AKAP6: variants seen among roughly 807,000 people sequenced by gnomAD.
AKAP6 encodes A-kinase anchor protein 6.
A neutral mutation model predicts 188.5 loss-of-function variants in AKAP6; 58 were observed. That is an observed-to-expected ratio of 0.31 (90% CI 0.25 to 0.38). The LOEUF is 0.38. Ranked by LOEUF, AKAP6 falls within the 10% of genes least tolerant of loss-of-function variation. The pLI is 1.00. For synonymous variants in AKAP6, 989 were observed against 998.6 expected (o/e 0.99, Z 0.18); for missense variants, 2,710 against 2,740.0 (o/e 0.99, Z 0.24).
rs1162974012 is a variant in AKAP6, at chr14:32,786,298, C to CTTTTTTTTT, written c.3588+12424_3588+12432dup. Among the ~76,000 whole-genome samples the CTTTTTTTTT allele has an allele frequency of 3.0e-4, 25 of 82,554 alleles. 1 individual carries two copies. Among genetic ancestry groups the CTTTTTTTTT allele is most frequent in the Non-Finnish European group, 4.1e-4 (19 of 46,666 alleles). 54.2% of individuals were successfully genotyped at this position (82,554 alleles called of 152,430 possible). ...CCCTCTGAAAGACCTAAACCTTTAT[C>CTTTTTTTTT]TTTTTTTTTTTTTTTTTTTTTTTTT... On this transcript the variant is annotated intron_variant, in intron 12 of 13. Transcript: ENST00000280979.
intron 7 of AKAP6, among the ~76,000 whole-genome samples, chr14:32,628,809 C>T (rs1472291721): frequency 1.3e-5 from 2 of 151,890 alleles, no homozygotes; most frequent in African/African-American, 2.4e-5. Context: ...AAATTAAACA[C>T]ATCTGTGTGT....
intron 12 of AKAP6, among the ~76,000 whole-genome samples, chr14:32,798,963 GC>G (rs2033857271): frequency 6.6e-6 from 1 of 152,158 alleles, no homozygotes; most frequent in African/African-American, 2.4e-5. Context: ...AACAGCTGCT[GC>G]CACATAGTCA....
chr14:32,747,262 G>T (rs2031950095), intron 11 of AKAP6, among the ~76,000 whole-genome samples: 1 of 152,174 alleles, frequency 6.6e-6, no homozygotes, highest in Admixed American at 6.5e-5. Context: ...TAGCAGTTTT[G>T]ATGTATAAGA....
intron 1 of AKAP6, among the ~76,000 whole-genome samples, chr14:32,428,718 A>G (rs1231358005): frequency 6.6e-6 from 1 of 152,168 alleles, no homozygotes; most frequent in Non-Finnish European, 1.5e-5. Context: ...TCTGATTTAA[A>G]TGTGTTTGTT....
intron 2 of AKAP6, among the ~76,000 whole-genome samples, chr14:32,503,172 T>TA (rs1286126143): frequency 6.6e-6 from 1 of 152,150 alleles, no homozygotes; most frequent in East Asian, 1.9e-4. Flanking sequence ...ATATTTCTTT[T>TA]ACTGTGAGAA....
At position 32,836,938 on chromosome 14, in the gene AKAP6, T is replaced by C. The variant is rs1159406510; in HGVS notation, c.*7133T>C. The C allele has an allele frequency of 6.6e-6, 1 of 152,168 alleles. No individual in the cohort carries two copies. The highest frequency in any genetic ancestry group is 6.5e-5 in the Admixed American group (1 of 15,272). 9.4% of individuals were successfully genotyped at this position (152,168 alleles called of 1,614,324 possible). The stretch of plus-strand genomic sequence containing the variant: ...AATGGAACAGAACTTGGCCTCAAAG[T>C]GATGTTGGAAAAATAGCCAGTCCTG... On this transcript the variant is annotated 3_prime_UTR_variant, in exon 14 of 14. Transcript: ENST00000280979.
chr14:32,637,890 C>G (rs979944635), intron 7 of AKAP6, among the ~76,000 whole-genome samples: 2 of 152,052 alleles, frequency 1.3e-5, no homozygotes, highest in African/African-American at 4.8e-5. Context: ...ATCAATATCA[C>G]TTACACTGGA....
intron 2 of AKAP6, among the ~76,000 whole-genome samples, chr14:32,436,347 A>G (rs1269324222): frequency 1.3e-5 from 2 of 152,150 alleles, no homozygotes; most frequent in Admixed American, 1.3e-4. Flanking sequence ...GGGCATCTCA[A>G]GCCCATCAAA....
intron 1 of AKAP6, among the ~76,000 whole-genome samples, chr14:32,391,792 CTA>C (rs1192959623): frequency 6.6e-6 from 1 of 152,182 alleles, no homozygotes; most frequent in Non-Finnish European, 1.5e-5. Flanking sequence ...GCAGAAGCCA[CTA>C]TGTTTCTTGT....
intron 7 of AKAP6, among the ~76,000 whole-genome samples, chr14:32,676,284 A>AT (rs200332714): frequency 0.012 from 1,802 of 151,964 alleles, 24 homozygotes; most frequent in Admixed American, 0.032. Flanking sequence ...CTTTTAAAAG[A>AT]TTTTTTCTGT....
intron 7 of AKAP6, among the ~76,000 whole-genome samples, chr14:32,612,635 C>T (rs902677224): frequency 1.3e-5 from 2 of 152,034 alleles, no homozygotes; most frequent in Non-Finnish European, 2.9e-5. Flanking sequence ...GCATTTGTAC[C>T]TTAAATATGT....
intron 12 of AKAP6, among the ~76,000 whole-genome samples, chr14:32,782,301 T>C (rs2033277895): frequency 6.7e-6 from 1 of 149,266 alleles, no homozygotes; most frequent in Non-Finnish European, 1.5e-5. Context: ...GTTAACATCA[T>C]ACTCAATAGG....
At chr14:32,713,691 C>G (rs1455931868) in intron 9 of AKAP6, among the ~76,000 whole-genome samples, 2 of 152,082 alleles carry the variant, frequency 1.3e-5, no homozygotes, top group Non-Finnish European at 2.9e-5. Flanking sequence ...AGCTTCCTCA[C>G]CTCTCTTAGC....
chr14:32,800,737 A>G (rs1301680607), intron 12 of AKAP6, among the ~76,000 whole-genome samples: 1 of 152,014 alleles, frequency 6.6e-6, no homozygotes, highest in Non-Finnish European at 1.5e-5. Flanking sequence ...TTTGTGGGCC[A>G]GTTGCTGTGG....
chr14:32,393,007 A>G (rs1888761365), intron 1 of AKAP6, among the ~76,000 whole-genome samples: 1 of 152,100 alleles, frequency 6.6e-6, no homozygotes, highest in Admixed American at 6.6e-5. Flanking sequence ...CCAACCATTT[A>G]TTAAATACTA....
intron 7 of AKAP6, among the ~76,000 whole-genome samples, chr14:32,645,208 T>G (rs894756646): frequency 6.6e-6 from 1 of 152,184 alleles, no homozygotes; most frequent in East Asian, 1.9e-4. Flanking sequence ...ACCCAATAAT[T>G]TTTTGTATAT....
intron 4 of AKAP6, among the ~76,000 whole-genome samples, chr14:32,565,482 G>A (rs185338744): frequency 2.0e-5 from 3 of 152,256 alleles, no homozygotes; most frequent in Admixed American, 2.0e-4. Context: ...TAACCTAGCA[G>A]GTTCTGCCCA....
At chr14:32,409,051 T>C (rs961844979) in intron 1 of AKAP6, among the ~76,000 whole-genome samples, 1 of 152,030 alleles carries the variant, frequency 6.6e-6, no homozygotes, top group Non-Finnish European at 1.5e-5. Context: ...AATACAAAAA[T>C]TAGCCAGGCA....
At chr14:32,463,249 C>T (rs1486634672) in intron 2 of AKAP6, among the ~76,000 whole-genome samples, 1 of 152,066 alleles carries the variant, frequency 6.6e-6, no homozygotes, top group Non-Finnish European at 1.5e-5. Context: ...ACTAAGCAGA[C>T]CTAACAGACA....
Sources: gnomAD v4.1 joint callset for allele counts (sites outside exome capture counted in the v4.1 genomes callset) on GRCh38, gnomAD v4.1.1 for gene constraint, MANE v1.5 for transcripts, NCBI Gene and HGNC (gene_info 2026-07-23, HGNC 2026-07-21) for gene names.